The following MTMR8 variants were observed in gnomAD, a reference collection of about 807,000 sequenced individuals.
MTMR8 encodes myotubularin related protein 8.
MTMR8 carries 65 observed loss-of-function variants against 39.3 expected under a neutral mutation model. The ratio of observed to expected loss-of-function variants is 1.65; its 90% CI spans 1.35 to 2.03. The LOEUF is 2.03. Ranked by LOEUF, MTMR8 falls within the 30% of genes most tolerant of loss-of-function variation. The pLI, the probability that MTMR8 is intolerant of heterozygous loss-of-function variation, is 0.00. For synonymous variants in MTMR8, 245 were observed against 185.2 expected, an observed-to-expected ratio of 1.32 and a Z score of -2.62; for missense variants, 777 against 538.9, an observed-to-expected ratio of 1.44 and a Z score of -4.37.
chrX:64,349,194 C>T (rs968179848), intron 5 of MTMR8, among the ~76,000 whole-genome samples: 3 of 111,701 alleles, frequency 2.7e-5, no homozygotes, highest in Non-Finnish European at 5.6e-5. Context: ...AGATCTACAG[C>T]GTCTTAAGAA....
At chrX:64,354,097 T>G (rs1413104078) in intron 4 of MTMR8, among the ~76,000 whole-genome samples, 2 of 103,745 alleles carry the variant, frequency 1.9e-5, no homozygotes, top group African/African-American at 7.2e-5. Context: ...ATTCACATGT[T>G]GTAGGAGCAA....
chrX:64,337,180 G>A, intron 9 of MTMR8, 88 bp downstream of exon 9: 2 of 1,043,297 alleles, frequency 1.9e-6, no homozygotes, highest in Non-Finnish European at 2.6e-6. Flanking sequence ...GCTAACTCTG[G>A]CAAAAAAAAT....
At chrX:64,319,751 C>T (rs1295282670) in intron 12 of MTMR8, among the ~76,000 whole-genome samples, 2 of 110,621 alleles carry the variant, frequency 1.8e-5, no homozygotes, top group Non-Finnish European at 3.8e-5. Context: ...CTGTTCTGTT[C>T]CATTGGTCTA....
Position 64,359,428 on chromosome X carries a change from C to A in MTMR8, c.124G>T (p.Gly42Cys), listed in dbSNP as rs1187936787. 3.3e-6 allele frequency: 4 copies of A among 1,206,344 alleles called. No homozygotes were observed. Among genetic ancestry groups the A allele is most frequent in the South Asian group, 1.8e-5 (1 of 56,050 alleles). ...ATHLIYVEAS[G>C]AARKETWIAL... is the part of the protein sequence containing the mutation. ...ACCCATGTTTCTTTCCGGGCTGCAC[C>A]TGAAGCCTCCACATAGATCAGGTGG... Residue 42 changes from glycine (G) to cysteine (C), a missense_variant, in exon 2 of 14, where the codon GGT (glycine) becomes TGT (cysteine). Coordinates refer to ENST00000374852, the MANE Select transcript of MTMR8 (RefSeq NM_017677.4).
Position 64,268,279 on chromosome X carries a change from C to A in MTMR8, c.*258G>T, listed in dbSNP as rs1303585696. ...AGAACCAGCTTAATATGTGTCTCAGCTGAGAGGCAACATTTCTATAGTTAA... is the reference window on the plus strand; with the variant it reads ...AGAACCAGCTTAATATGTGTCTCAGATGAGAGGCAACATTTCTATAGTTAA... On this transcript the variant is annotated 3_prime_UTR_variant, in exon 14 of 14. Transcript: ENST00000374852. The A allele has an allele frequency of 5.8e-6, 2 of 347,591 alleles. No individual in the cohort carries two copies. The highest frequency in any genetic ancestry group is 8.1e-5 in the South Asian group (1 of 12,422). 28.6% of individuals were successfully genotyped at this position (347,591 alleles called of 1,213,427 possible). A position where few individuals can be genotyped will look rare whatever the true frequency, so the allele number is the denominator to read the frequency against.
chrX:64,389,767 G>A (rs1423832619), intron 1 of MTMR8, among the ~76,000 whole-genome samples: 2 of 111,961 alleles, frequency 1.8e-5, no homozygotes, highest in Non-Finnish European at 3.8e-5. Flanking sequence ...CTTATAATGT[G>A]CCAGGCCCTC....
intron 12 of MTMR8, among the ~76,000 whole-genome samples, chrX:64,275,549 A>G (rs1452273083): frequency 4.7e-5 from 5 of 107,395 alleles, no homozygotes; most frequent in African/African-American, 1.7e-4. Flanking sequence ...CATTTAGAAA[A>G]TAGCACATGC....
At chrX:64,374,181 A>T (rs1241756406) in intron 1 of MTMR8, among the ~76,000 whole-genome samples, 1 of 111,987 alleles carries the variant, frequency 8.9e-6, no homozygotes, top group Non-Finnish European at 1.9e-5. Context: ...TCAATGCAAC[A>T]TAACAAAAGA....
At chrX:64,324,870 C>G (rs56313321) in intron 12 of MTMR8, among the ~76,000 whole-genome samples, 579 of 51,991 alleles carry the variant, frequency 0.011, 3 homozygotes, top group Middle Eastern at 0.026. Flanking sequence ...ATCAATGAAA[C>G]AAAGAGTTGT....
intron 12 of MTMR8, among the ~76,000 whole-genome samples, chrX:64,275,585 A>G (rs921631956): frequency 2.5e-4 from 25 of 101,598 alleles, no homozygotes; most frequent in African/African-American, 8.3e-4. Context: ...CTTGGGAGCT[A>G]GGTTTGGAGG....
chrX:64,300,121 T>C (rs1297608527), intron 12 of MTMR8, among the ~76,000 whole-genome samples: 2 of 103,896 alleles, frequency 1.9e-5, no homozygotes, highest in Non-Finnish European at 3.9e-5. Context: ...CTGAGTTCAA[T>C]TCCTGGGTAT....
intron 12 of MTMR8, among the ~76,000 whole-genome samples, chrX:64,280,592 T>C (rs949034418): frequency 3.6e-5 from 4 of 111,517 alleles, no homozygotes; most frequent in Non-Finnish European, 7.5e-5. Flanking sequence ...GCCAATATCA[T>C]ACTGAATGGG....
chrX:64,392,561 G>A (rs1924715621), intron 1 of MTMR8, among the ~76,000 whole-genome samples: 1 of 110,527 alleles, frequency 9.0e-6, no homozygotes, highest in Admixed American at 9.5e-5. Flanking sequence ...GCATGAAGTG[G>A]ACTTCTAGTA....
chrX:64,335,654 G>T (rs1923054165), intron 10 of MTMR8, among the ~76,000 whole-genome samples: 1 of 111,450 alleles, frequency 9.0e-6, no homozygotes, highest in South Asian at 3.8e-4. Context: ...AGGTTAAAAG[G>T]TGCATTGTCT....
intron 12 of MTMR8, among the ~76,000 whole-genome samples, chrX:64,320,573 G>C (rs1922610420): frequency 9.1e-6 from 1 of 109,608 alleles, no homozygotes; most frequent in Non-Finnish European, 1.9e-5. Context: ...AAAGGCAAAT[G>C]TACTAGCCAC....
At chrX:64,379,715 C>CAA (rs376306119) in intron 1 of MTMR8, among the ~76,000 whole-genome samples, 1 of 111,352 alleles carries the variant, frequency 9.0e-6, no homozygotes, top group African/African-American at 3.3e-5. Context: ...GTCCCCATCT[C>CAA]AAAAAAAGTC....
chrX:64,337,177 C>G (rs1279276970), intron 9 of MTMR8, 91 bp downstream of exon 9: 1 of 1,034,527 alleles, frequency 9.7e-7, no homozygotes, highest in African/African-American at 1.9e-5. Context: ...AGAGCTAACT[C>G]TGGCAAAAAA....
At chrX:64,333,479 C>T (rs1385419372) in intron 10 of MTMR8, among the ~76,000 whole-genome samples, 1 of 111,957 alleles carries the variant, frequency 8.9e-6, no homozygotes, top group Non-Finnish European at 1.9e-5. Context: ...GCTAATCTTT[C>T]GTTTGGACTG....
intron 12 of MTMR8, among the ~76,000 whole-genome samples, chrX:64,300,871 A>C (rs1569214113): frequency 9.1e-6 from 1 of 110,358 alleles, no homozygotes; most frequent in Non-Finnish European, 1.9e-5. Flanking sequence ...TCTGGGTTGA[A>C]AATTCTTTCC....
Sources: gnomAD v4.1 joint callset for allele counts (sites outside exome capture counted in the v4.1 genomes callset) on GRCh38, gnomAD v4.1.1 for gene constraint, MANE v1.5 for transcripts, NCBI Gene and HGNC (gene_info 2026-07-23, HGNC 2026-07-21) for gene names.